Variants in DNAJB1 observed in about 807,000 individuals in gnomAD.
The protein encoded by DNAJB1 is DnaJ heat shock protein family (Hsp40) member B1.
DNAJB1 carries 14 observed loss-of-function variants against 24.0 expected under a neutral mutation model. The observed-to-expected ratio is 0.58, with a 90% CI of 0.39 to 0.91. The LOEUF is 0.91. Among genes scored for constraint, DNAJB1 ranks in the 40% least tolerant of loss-of-function variants. The pLI is 0.00. For synonymous variants in DNAJB1, 262 were observed against 174.4 expected, an observed-to-expected ratio of 1.50 and a Z score of -3.96; for missense variants, 517 against 458.1, an observed-to-expected ratio of 1.13 and a Z score of -1.17.
At chr19:14,526,895 T>G (rs543495243) in intron 2 of DNAJB1, among the ~76,000 whole-genome samples, 4 of 152,076 alleles carry the variant, frequency 2.6e-5, no homozygotes, top group Non-Finnish European at 5.9e-5. Context: ...GGTAACTCAA[T>G]CTGATAGGAT....
chr19:14,536,978 GC>G (rs2072921898), intron 1 of DNAJB1, among the ~76,000 whole-genome samples: 1 of 147,472 alleles, frequency 6.8e-6, no homozygotes, highest in Admixed American at 6.9e-5. Context: ...CGAGGAGGGG[GC>G]GGGGCCGAGG....
chr19:14,538,172 C>T (rs146104120), intron 1 of DNAJB1, among the ~76,000 whole-genome samples: 274 of 152,296 alleles, frequency 1.8e-3, no homozygotes, highest in African/African-American at 6.3e-3. Flanking sequence ...TTGTCCACAG[C>T]TAGTGGCTAG....
intron 1 of DNAJB1, among the ~76,000 whole-genome samples, chr19:14,542,353 T>G (rs1454230186): frequency 3.9e-5 from 3 of 77,838 alleles, no homozygotes; most frequent in South Asian, 8.3e-4. Context: ...TAGTGTTTTT[T>G]TTTTTTTTTT....
chr19:14,516,238 G>A (rs4926222), intron 2 of DNAJB1, 68 bp from the exon 3 acceptor site: 1,291,115 of 1,553,450 alleles, frequency 0.83, 543,450 homozygotes, highest in African/African-American at 0.91. Context: ...CCCAGAGGCC[G>A]TCTGCCATAG....
chr19:14,532,828 G>A (rs1250683533), upstream of DNAJB1, among the ~76,000 whole-genome samples: 1 of 152,134 alleles, frequency 6.6e-6, no homozygotes, highest in Non-Finnish European at 1.5e-5. Flanking sequence ...ATATATTTCT[G>A]GCCGGGCGAG....
chr19:14,530,890 T>G (rs894506768), upstream of DNAJB1: 1 of 152,192 alleles, frequency 6.6e-6, no homozygotes, highest in Non-Finnish European at 1.5e-5. Flanking sequence ...CCAGAACTCT[T>G]TGCATCTTGG....
intron 2 of DNAJB1, among the ~76,000 whole-genome samples, chr19:14,525,569 A>G (rs2072410953): frequency 6.6e-6 from 1 of 152,344 alleles, no homozygotes; most frequent in East Asian, 1.9e-4. Flanking sequence ...CAGGCTCAAA[A>G]GGCTGCATGA....
rs747261359 is a variant in DNAJB1 at position 14,516,995 on chromosome 19, G to A, written c.263C>T (p.Thr88Ile). The change falls in exon 2 of 3, where the codon ACC (threonine) becomes ATC (isoleucine). Residue 88 changes from threonine to isoleucine, a missense_variant. Coordinates refer to ENST00000254322, the MANE Select transcript of DNAJB1 (RefSeq NM_006145.3). ...SGGSGGGANG[T>I]SFSYTFHGDP... ...TCCATGGAATGTGTAGCTGAAAGAGGTACCATTGGCACCACCGCCGCTACC... is the reference window on the plus strand; with the variant it reads ...TCCATGGAATGTGTAGCTGAAAGAGATACCATTGGCACCACCGCCGCTACC... 27 of 1,610,360 alleles carry A rather than the reference G, an allele frequency of 1.7e-5. No individual in the cohort carries two copies. Among genetic ancestry groups the A allele is most frequent in the Non-Finnish European group, 2.2e-5 (26 of 1,179,094 alleles).
upstream of DNAJB1, among the ~76,000 whole-genome samples, chr19:14,522,144 G>A (rs1054519592): frequency 1.3e-5 from 2 of 152,124 alleles, no homozygotes; most frequent in Non-Finnish European, 2.9e-5. Flanking sequence ...TTGTGTCAGC[G>A]TGGCTAAGCT....
At chr19:14,541,982 C>T (rs2073110999) in intron 1 of DNAJB1, among the ~76,000 whole-genome samples, 1 of 152,054 alleles carries the variant, frequency 6.6e-6, no homozygotes, top group Non-Finnish European at 1.5e-5. Flanking sequence ...CCGGGTTTCA[C>T]ATGTTGGCCA....
At chr19:14,520,771 T>C (rs145751735), upstream of DNAJB1, among the ~76,000 whole-genome samples, 1,330 of 152,204 alleles carry the variant, frequency 8.7e-3, 26 homozygotes, top group South Asian at 0.029. Context: ...GGGAGGATCT[T>C]TTGAGGCCAG....
At chr19:14,520,658 C>CATAAT (rs2072349520), upstream of DNAJB1, among the ~76,000 whole-genome samples, 1 of 152,020 alleles carries the variant, frequency 6.6e-6, no homozygotes, top group South Asian at 2.1e-4. Context: ...AGCAGGGGTC[C>CATAAT]TGAAGCAATT....
chr19:14,518,003 G>A, intron 1 of DNAJB1, 136 bp downstream of exon 1: 1 of 990,646 alleles, frequency 1.0e-6, no homozygotes, highest in South Asian at 2.6e-5. Context: ...GCGGAGGCCC[G>A]CGAGGCCGGA....
At chr19:14,554,310 G>C (rs2073642893), upstream of DNAJB1, among the ~76,000 whole-genome samples, 1 of 152,174 alleles carries the variant, frequency 6.6e-6, no homozygotes, top group Non-Finnish European at 1.5e-5. Context: ...CCATTAGGCA[G>C]GTCACGTCCT....
intron 1 of DNAJB1, among the ~76,000 whole-genome samples, chr19:14,542,347 G>GGGTTTTTTTTTT (rs2073124658): frequency 3.2e-4 from 14 of 43,300 alleles, no homozygotes; most frequent in African/African-American, 9.7e-4. Flanking sequence ...ATGCCATAGT[G>GGGTTTTTTTTTT]TTTTTTTTTT....
At chr19:14,543,444 T>G (rs1265763793) in intron 1 of DNAJB1, among the ~76,000 whole-genome samples, 2 of 60,764 alleles carry the variant, frequency 3.3e-5, no homozygotes, top group Admixed American at 1.8e-4. Context: ...TTTTTTTTTT[T>G]TTTTTTTTTT....
chr19:14,555,435 A>AATCT (rs2073686234), intron 1 of DNAJB1, among the ~76,000 whole-genome samples: 4 of 82,592 alleles, frequency 4.8e-5, no homozygotes, highest in Non-Finnish European at 1.0e-4. Flanking sequence ...ATTTTTATTT[A>AATCT]TTCTTTTTTT....
chr19:14,516,763 G>C lies in DNAJB1; in HGVS notation c.495C>G (p.Thr165=). 1.2e-6 allele frequency: 2 copies of C among 1,613,996 alleles called. No individual in the cohort carries two copies. Among genetic ancestry groups the C allele is most frequent in the Admixed American group, 1.7e-5 (1 of 60,024 alleles). ...PARKKQDPPV[T]HDLRVSLEEI... The stretch of plus-strand genomic sequence containing the variant: ...CTTCAAGGGAGACTCGAAGGTCGTG[G>C]GTGACTGGGGGATCTTGCTTCTTTC... Residue 165 remains threonine (T), a synonymous_variant, in exon 2 of 3, where the codon ACC becomes ACG. Coordinates refer to ENST00000254322, the MANE Select transcript of DNAJB1 (RefSeq NM_006145.3).
chr19:14,521,938 AT>A (rs796191031), upstream of DNAJB1, among the ~76,000 whole-genome samples: 130 of 147,228 alleles, frequency 8.8e-4, 1 homozygote, highest in African/African-American at 1.9e-3. Flanking sequence ...GGAAGTTTTA[AT>A]TTTTTTTTTT....
Sources: gnomAD v4.1 joint callset for allele counts (sites outside exome capture counted in the v4.1 genomes callset) on GRCh38, gnomAD v4.1.1 for gene constraint, MANE v1.5 for transcripts, NCBI Gene and HGNC (gene_info 2026-07-23, HGNC 2026-07-21) for gene names.